The following PARD3 variants were observed in gnomAD, a reference collection of about 807,000 sequenced individuals.
The protein encoded by PARD3 is partitioning defective 3 homolog.
A neutral mutation model predicts 155.4 loss-of-function variants in PARD3; 75 were observed. The observed-to-expected ratio is 0.48, with a 90% CI of 0.40 to 0.58. The LOEUF is 0.58. Among genes scored for constraint, PARD3 ranks in the 20% least tolerant of loss-of-function variants. The pLI, the probability that PARD3 is intolerant of heterozygous loss-of-function variation, is 0.00. For missense variants in PARD3, 1,642 were observed against 1,721.7 expected, an observed-to-expected ratio of 0.95 and a Z score of 0.82; for synonymous variants, 576 against 610.5, an observed-to-expected ratio of 0.94 and a Z score of 0.83.
chr10:34,417,733 T>C lies in PARD3; in HGVS notation c.715-15816A>G, dbSNP rs148441361. Among the ~76,000 whole-genome samples, 476 of 152,302 alleles carry C rather than the reference T, an allele frequency of 3.1e-3. 2 individuals are homozygous for C. The highest frequency in any genetic ancestry group is 0.011 in the African/African-American group (442 of 41,546). ...ACTTTTCACCACAAAAAGGAGAAAA[T>C]AGGCTGAGCCTAAATTCCACAGGTA... On this transcript the variant is annotated intron_variant, in intron 5 of 24. Transcript: ENST00000374788.
At chr10:34,744,767 C>T (rs980426111) in intron 1 of PARD3, among the ~76,000 whole-genome samples, 1 of 152,136 alleles carries the variant, frequency 6.6e-6, no homozygotes, top group African/African-American at 2.4e-5. Context: ...AACTGATGCA[C>T]AAAAATCCAA....
chr10:34,164,387 G>T (rs544899928), intron 22 of PARD3, among the ~76,000 whole-genome samples: 1 of 152,126 alleles, frequency 6.6e-6, no homozygotes, highest in East Asian at 1.9e-4. Flanking sequence ...GTAATCTCCA[G>T]GAATTAATCA....
chr10:34,394,662 C>T (rs1370552774), intron 7 of PARD3, among the ~76,000 whole-genome samples: 2 of 152,050 alleles, frequency 1.3e-5, no homozygotes, highest in Non-Finnish European at 2.9e-5. Context: ...AGGTCCAGTC[C>T]CTATTTTAGC....
rs769342840 is a variant in PARD3 at position 34,470,086 on chromosome 10, T to C, written c.581A>G (p.Lys194Arg). The C allele has an allele frequency of 2.4e-5, 38 of 1,595,384 alleles. No homozygotes were observed. The highest frequency in any genetic ancestry group is 2.9e-5 in the Non-Finnish European group (34 of 1,170,446). ...CAGCAAACAAGCAGAGGTGGTTACC[T>C]TCCTGTCGCAGGTTTTAGGACTCCC... ...TAGSPKTCDRKKDENYRSLPR... is the reference protein window; with the variant it reads ...TAGSPKTCDRRKDENYRSLPR... Residue 194 changes from lysine to arginine, a missense_variant and splice_region_variant, in exon 4 of 25, where the codon AAG (lysine) becomes AGG (arginine). Lys to Arg is a conservative substitution (Grantham distance 26). Transcript: ENST00000374788.
At chr10:34,252,893 T>C (rs549569584) in intron 22 of PARD3, among the ~76,000 whole-genome samples, 1 of 152,252 alleles carries the variant, frequency 6.6e-6, no homozygotes, top group African/African-American at 2.4e-5. Context: ...ACCTGCACTT[T>C]TAAAAATCAA....
chr10:34,530,652 T>C (rs1395195408), intron 2 of PARD3, among the ~76,000 whole-genome samples: 2 of 152,208 alleles, frequency 1.3e-5, no homozygotes, highest in African/African-American at 4.8e-5. Context: ...CTGGACCCAG[T>C]TGTCTCCAGC....
At chr10:34,738,430 G>C (rs2094953767) in intron 1 of PARD3, among the ~76,000 whole-genome samples, 1 of 152,182 alleles carries the variant, frequency 6.6e-6, no homozygotes, top group South Asian at 2.1e-4. Context: ...TCTCGTCTTG[G>C]GGTCCCCCCA....
intron 2 of PARD3, among the ~76,000 whole-genome samples, chr10:34,670,318 G>A (rs1438701831): frequency 6.6e-6 from 1 of 152,254 alleles, no homozygotes; most frequent in Non-Finnish European, 1.5e-5. Context: ...CGGCTCGCCA[G>A]GCCGCCGCTG....
intron 2 of PARD3, among the ~76,000 whole-genome samples, chr10:34,680,271 A>G (rs915108154): frequency 6.6e-6 from 1 of 152,130 alleles, no homozygotes; most frequent in Non-Finnish European, 1.5e-5. Flanking sequence ...AAGATACAGT[A>G]CATTCAGGCC....
chr10:34,766,735 G>C (rs1208637650), intron 1 of PARD3, among the ~76,000 whole-genome samples: 1 of 151,452 alleles, frequency 6.6e-6, no homozygotes, highest in Non-Finnish European at 1.5e-5. Flanking sequence ...AAAAATTCAA[G>C]GGACTCCCTG....
At chr10:34,699,384 C>T (rs990436140) in intron 1 of PARD3, among the ~76,000 whole-genome samples, 1 of 152,146 alleles carries the variant, frequency 6.6e-6, no homozygotes, top group African/African-American at 2.4e-5. Flanking sequence ...CCTCCTCCCA[C>T]AAGAGTTTAA....
intron 3 of PARD3, among the ~76,000 whole-genome samples, chr10:34,481,693 T>A (rs937361854): frequency 1.3e-5 from 2 of 152,172 alleles, no homozygotes; most frequent in Admixed American, 6.5e-5. Flanking sequence ...CTTCAACCAA[T>A]ACATATTTGA....
At chr10:34,291,962 C>T (rs569220151) in intron 20 of PARD3, among the ~76,000 whole-genome samples, 2 of 152,270 alleles carry the variant, frequency 1.3e-5, no homozygotes, top group East Asian at 1.9e-4. Flanking sequence ...GAACTTATCT[C>T]GGAAGGCCAG....
intron 22 of PARD3, among the ~76,000 whole-genome samples, chr10:34,240,667 T>C (rs1953525089): frequency 6.6e-6 from 1 of 152,054 alleles, no homozygotes; most frequent in Non-Finnish European, 1.5e-5. Flanking sequence ...GGAAGCACCA[T>C]AAAGAGAGGG....
chr10:34,769,791 C>CAAAAAA (rs1315957949), intron 1 of PARD3, among the ~76,000 whole-genome samples: 15 of 27,716 alleles, frequency 5.4e-4, no homozygotes, highest in African/African-American at 1.5e-3. Flanking sequence ...AACAAACGAA[C>CAAAAAA]AAAAAAACAA....
intron 1 of PARD3, among the ~76,000 whole-genome samples, chr10:34,801,155 C>T (rs982728949): frequency 2.0e-5 from 3 of 152,170 alleles, no homozygotes; most frequent in East Asian, 1.9e-4. Context: ...AAGAGACAGA[C>T]GCACAAAAAT....
intron 5 of PARD3, among the ~76,000 whole-genome samples, chr10:34,429,509 C>A (rs12098311): frequency 0.01 from 1,576 of 152,026 alleles, 34 homozygotes; most frequent in African/African-American, 0.036. Context: ...GATAATCCTG[C>A]CTCAGCCTTC....
At chr10:34,788,142 C>T (rs1841212081) in intron 1 of PARD3, among the ~76,000 whole-genome samples, 1 of 151,986 alleles carries the variant, frequency 6.6e-6, no homozygotes, top group African/African-American at 2.4e-5. Flanking sequence ...CTTACAAGAC[C>T]ACGTGGACAG....
intron 2 of PARD3, among the ~76,000 whole-genome samples, chr10:34,619,565 T>TACC (rs1163518054): frequency 2.6e-5 from 4 of 152,226 alleles, no homozygotes; most frequent in African/African-American, 9.6e-5. Context: ...ATTTTTATTT[T>TACC]ACCACCACCA....
Sources: allele counts gnomAD v4.1 joint callset (sites outside exome capture counted in the v4.1 genomes callset), GRCh38; gene constraint gnomAD v4.1.1; transcripts MANE v1.5; gene names NCBI Gene and HGNC (gene_info 2026-07-23, HGNC 2026-07-21).